PDE1C: variants seen among roughly 807,000 people sequenced by gnomAD.
PDE1C encodes the protein phosphodiesterase 1C.
A neutral mutation model predicts 93.1 loss-of-function variants in PDE1C; 62 were observed. That is an observed-to-expected ratio of 0.67 (90% CI 0.54 to 0.82). PDE1C has a LOEUF of 0.82. PDE1C is among the 40% of genes least tolerant of loss of function. The pLI, the probability that PDE1C is intolerant of heterozygous loss-of-function variation, is 0.00. For synonymous variants in PDE1C, 325 were observed against 310.1 expected, an observed-to-expected ratio of 1.05 and a Z score of -0.50; for missense variants, 742 against 884.6, an observed-to-expected ratio of 0.84 and a Z score of 2.04.
At chr7:31,845,823 T>C (rs1038009439) in intron 9 of PDE1C, among the ~76,000 whole-genome samples, 2 of 152,086 alleles carry the variant, frequency 1.3e-5, no homozygotes, top group Non-Finnish European at 2.9e-5. Flanking sequence ...AAACACTGTC[T>C]CTATTAAAAA....
At chr7:32,212,695 T>C (rs1278544114) in intron 1 of PDE1C, among the ~76,000 whole-genome samples, 1 of 152,126 alleles carries the variant, frequency 6.6e-6, no homozygotes, top group Non-Finnish European at 1.5e-5. Flanking sequence ...TCCCTCATCT[T>C]CACCTGGCCA....
intron 3 of PDE1C, among the ~76,000 whole-genome samples, chr7:32,139,108 C>T (rs1177427483): frequency 6.6e-6 from 1 of 151,984 alleles, no homozygotes; most frequent in Non-Finnish European, 1.5e-5. Context: ...ATACCTCTAT[C>T]CTGGTGGAAA....
At chr7:31,914,456 T>C (rs1801632084) in intron 2 of PDE1C, among the ~76,000 whole-genome samples, 1 of 152,200 alleles carries the variant, frequency 6.6e-6, no homozygotes, top group African/African-American at 2.4e-5. Context: ...GTTAATTAAA[T>C]ATGAATGCTT....
intron 2 of PDE1C, among the ~76,000 whole-genome samples, chr7:31,903,155 C>A (rs1800189834): frequency 6.6e-6 from 1 of 151,698 alleles, no homozygotes; most frequent in Non-Finnish European, 1.5e-5. Flanking sequence ...TAAAACCATT[C>A]TATTTCTAAT....
At chr7:32,051,319 C>A (rs1247703691) in intron 2 of PDE1C, among the ~76,000 whole-genome samples, 2 of 152,302 alleles carry the variant, frequency 1.3e-5, no homozygotes, top group African/African-American at 2.4e-5. Flanking sequence ...CAGTAACAAG[C>A]TTTTGAGCCC....
intron 1 of PDE1C, among the ~76,000 whole-genome samples, chr7:32,238,543 A>G (rs775448144): frequency 1.3e-5 from 2 of 152,258 alleles, no homozygotes; most frequent in Non-Finnish European, 2.9e-5. Flanking sequence ...GGAACTTGAC[A>G]AGCTTGTTCT....
At chr7:32,184,438 G>A (rs1335166281) in intron 2 of PDE1C, among the ~76,000 whole-genome samples, 1 of 152,112 alleles carries the variant, frequency 6.6e-6, no homozygotes, top group East Asian at 1.9e-4. Flanking sequence ...AAGAAAATGT[G>A]GCACATATAC....
intron 1 of PDE1C, among the ~76,000 whole-genome samples, chr7:32,230,864 T>C (rs1050429828): frequency 2.6e-5 from 4 of 152,060 alleles, no homozygotes; most frequent in Admixed American, 2.6e-4. Context: ...AGTCATAGAA[T>C]AAGGGTCTAA....
At chr7:32,418,233 AT>A (rs984952734) in intron 1 of PDE1C, among the ~76,000 whole-genome samples, 19 of 139,808 alleles carry the variant, frequency 1.4e-4, no homozygotes, top group African/African-American at 6.0e-4. Context: ...TTGGCCAATT[AT>A]TTTTTTATCA....
chr7:32,324,777 C>T (rs895660381), intron 1 of PDE1C, among the ~76,000 whole-genome samples: 8 of 152,088 alleles, frequency 5.3e-5, no homozygotes, highest in African/African-American at 1.9e-4. Flanking sequence ...AGCAAGACCT[C>T]ATCTATATGA....
At chr7:32,318,106 C>T (rs1008149045) in intron 1 of PDE1C, among the ~76,000 whole-genome samples, 39 of 152,072 alleles carry the variant, frequency 2.6e-4, no homozygotes, top group African/African-American at 9.2e-4. Context: ...TGTTCTAACC[C>T]TTGAATTTTC....
At chr7:32,117,954 T>C (rs1223805551) in intron 3 of PDE1C, among the ~76,000 whole-genome samples, 1 of 152,232 alleles carries the variant, frequency 6.6e-6, no homozygotes, top group Non-Finnish European at 1.5e-5. Context: ...AGGGCTGGTT[T>C]CTGTTACCCT....
At chr7:32,247,037 G>A (rs193235566) in intron 1 of PDE1C, among the ~76,000 whole-genome samples, 129 of 152,332 alleles carry the variant, frequency 8.5e-4, no homozygotes, top group Admixed American at 1.4e-3. Flanking sequence ...AATACTGTAA[G>A]TACATAAATT....
At chr7:31,645,381 G>A in the PDE1C span, among the ~76,000 whole-genome samples, 15 of 152,080 alleles carry the variant, frequency 9.9e-5, no homozygotes, top group Admixed American at 7.9e-4. Context: ...AGACTCCCAG[G>A]CATTTGGAAT....
intron 1 of PDE1C, among the ~76,000 whole-genome samples, chr7:32,286,458 A>G (rs996691094): frequency 1.3e-5 from 2 of 152,244 alleles, no homozygotes; most frequent in African/African-American, 4.8e-5. Context: ...ACACTCAACT[A>G]CAAAGAAAAT....
intron 2 of PDE1C, among the ~76,000 whole-genome samples, chr7:31,905,869 T>C (rs1038437480): frequency 6.6e-6 from 1 of 152,118 alleles, no homozygotes; most frequent in Non-Finnish European, 1.5e-5. Context: ...TGATAGTGAG[T>C]TCTCACAAGA....
At chr7:31,704,535 G>C in the PDE1C span, among the ~76,000 whole-genome samples, 1 of 152,188 alleles carries the variant, frequency 6.6e-6, no homozygotes, top group Non-Finnish European at 1.5e-5. Context: ...TCTTGTGCCA[G>C]ATGTTAGCAT....
chr7:31,731,788 C>T, the PDE1C span, among the ~76,000 whole-genome samples: 14 of 132 alleles, frequency 0.11, no homozygotes, highest in Non-Finnish European at 0.17. Flanking sequence ...AATCTCTTGC[C>T]GTCAGCCAAT....
intron 1 of PDE1C, among the ~76,000 whole-genome samples, chr7:32,388,562 C>T (rs1784684781): frequency 6.6e-6 from 1 of 151,472 alleles, no homozygotes; most frequent in South Asian, 2.1e-4. Flanking sequence ...CATCTGTAGT[C>T]CCAGATGCTA....
Sources: allele counts gnomAD v4.1 joint callset (sites outside exome capture counted in the v4.1 genomes callset), GRCh38; gene constraint gnomAD v4.1.1; transcripts MANE v1.5; gene names NCBI Gene and HGNC (gene_info 2026-07-23, HGNC 2026-07-21).